EIF4G3: variants seen among roughly 807,000 people sequenced by gnomAD.
EIF4G3 encodes the protein eukaryotic translation initiation factor 4 gamma 3.
A neutral mutation model predicts 186.4 loss-of-function variants in EIF4G3; 34 were observed. The observed-to-expected ratio is 0.18, with a 90% confidence interval of 0.14 to 0.24. The LOEUF is 0.24. Ranked by LOEUF, EIF4G3 falls within the 10% of genes least tolerant of loss-of-function variation. The pLI is 1.00. For synonymous variants in EIF4G3, 673 were observed against 679.5 expected (o/e 0.99, Z 0.15); for missense variants, 1,536 against 1,948.5 (o/e 0.79, Z 3.99).
intron 4 of EIF4G3, among the ~76,000 whole-genome samples, chr1:21,010,561 TTTC>T (rs567992706): frequency 7.9e-4 from 121 of 152,336 alleles, no homozygotes; most frequent in African/African-American, 2.7e-3. Flanking sequence ...TCTAGAACTT[TTTC>T]TTCTTGCAAA....
intron 7 of EIF4G3, among the ~76,000 whole-genome samples, chr1:20,990,784 C>T (rs2080926115): frequency 6.6e-6 from 1 of 152,150 alleles, no homozygotes; most frequent in South Asian, 2.1e-4. Context: ...CACTGGGAAA[C>T]CAAAAAATTC....
intron 18 of EIF4G3, among the ~76,000 whole-genome samples, chr1:20,892,363 T>C (rs1461552121): frequency 6.6e-6 from 1 of 152,218 alleles, no homozygotes; most frequent in African/African-American, 2.4e-5. Flanking sequence ...CTACAAAGCA[T>C]GGAGTAGGCA....
chr1:21,089,823 A>C (rs1440205343), intron 2 of EIF4G3, among the ~76,000 whole-genome samples: 2 of 152,150 alleles, frequency 1.3e-5, no homozygotes, highest in Non-Finnish European at 2.9e-5. Flanking sequence ...TTGAATTCAA[A>C]GAAATGACCC....
At position 20,899,778 on chromosome 1, in the gene EIF4G3, C is replaced by T; in HGVS notation, c.1918G>A (p.Val640Ile). 3 of 1,614,166 alleles carry T rather than the reference C, an allele frequency of 1.9e-6. No homozygotes were observed. The highest frequency in any genetic ancestry group is 2.5e-6 in the Non-Finnish European group (3 of 1,180,020). The change falls in exon 16 of 37, where the codon GTT becomes ATT. Residue 640 changes from valine to isoleucine, a missense_variant. Physicochemically the swap from Val to Ile is conservative, Grantham distance 29 (BLOSUM62 3). This residue lies in a region of EIF4G3 where 560 missense variants were observed against 547.8 expected (regional missense o/e 1.02). Transcript: ENST00000602326. ...GCATCTATTCCTTCACCCTCAGAAA[C>T]ACTCTCAGCACCATTACGTACTGGC... ...AEPVRNGAES[V>I]SEGEGIDANS...
At chr1:21,033,952 G>C (rs1287223237) in intron 4 of EIF4G3, among the ~76,000 whole-genome samples, 1 of 152,178 alleles carries the variant, frequency 6.6e-6, no homozygotes, top group East Asian at 1.9e-4. Flanking sequence ...AGCTGGGTGT[G>C]CTGGTATGTG....
chr1:21,071,184 C>G (rs911836872), intron 3 of EIF4G3, among the ~76,000 whole-genome samples: 6 of 152,142 alleles, frequency 3.9e-5, no homozygotes. Flanking sequence ...GCAGGAGGAT[C>G]ATCTGAGGCC....
chr1:20,892,558 G>A (rs989044047), intron 18 of EIF4G3: 59 of 1,175,286 alleles, frequency 5.0e-5, no homozygotes, highest in Middle Eastern at 3.8e-4. Flanking sequence ...TAAAAAGAGC[G>A]TAACAGAAAA....
At chr1:20,966,411 A>G (rs533849297) in intron 12 of EIF4G3, among the ~76,000 whole-genome samples, 3 of 152,164 alleles carry the variant, frequency 2.0e-5, no homozygotes, top group African/African-American at 7.2e-5. Flanking sequence ...GCCAATATTT[A>G]TAACTTGCAG....
chr1:21,165,714 C>T (rs1040020644), intron 2 of EIF4G3, among the ~76,000 whole-genome samples: 1 of 152,034 alleles, frequency 6.6e-6, no homozygotes, highest in African/African-American at 2.4e-5. Context: ...CAAACAGGTT[C>T]CTTTGGGGAG....
chr1:21,074,979 T>G (rs1393163983), intron 3 of EIF4G3, among the ~76,000 whole-genome samples: 1 of 151,696 alleles, frequency 6.6e-6, no homozygotes, highest in Admixed American at 6.6e-5. Context: ...CATGAAAACA[T>G]GGGAAAGTAT....
intron 11 of EIF4G3, among the ~76,000 whole-genome samples, chr1:20,970,074 G>A (rs528952112): frequency 4.6e-5 from 7 of 151,970 alleles, no homozygotes; most frequent in East Asian, 1.9e-4. Flanking sequence ...AGCGATTCTC[G>A]TGCCTCAGCC....
chr1:20,853,221 A>G (rs994076845), intron 27 of EIF4G3, among the ~76,000 whole-genome samples: 4 of 152,126 alleles, frequency 2.6e-5, no homozygotes, highest in Non-Finnish European at 5.9e-5. Context: ...AGAGAAATGT[A>G]TGGGTGGATT....
intron 2 of EIF4G3, among the ~76,000 whole-genome samples, chr1:21,113,091 C>A: frequency 7.7e-6 from 1 of 130,420 alleles, no homozygotes; most frequent in Admixed American, 9.5e-5. Context: ...GTCGAAGCTG[C>A]AGTGAGCTAT....
intron 23 of EIF4G3, among the ~76,000 whole-genome samples, chr1:20,861,046 T>C (rs2076207019): frequency 6.6e-6 from 1 of 152,240 alleles, no homozygotes; most frequent in African/African-American, 2.4e-5. Context: ...CTCTGCCCTT[T>C]GGTTATCCCC....
At chr1:20,856,673 C>G (rs922140193) in intron 25 of EIF4G3, among the ~76,000 whole-genome samples, 5 of 152,144 alleles carry the variant, frequency 3.3e-5, no homozygotes, top group African/African-American at 1.2e-4. Flanking sequence ...GTTTCCTTTA[C>G]GCCTTGGATA....
Position 20,981,199 on chromosome 1 carries a change from G to T in EIF4G3, c.227C>A (p.Pro76His). The T allele has an allele frequency of 6.2e-7, 1 of 1,611,920 alleles. No individual in the cohort carries two copies. Among genetic ancestry groups the T allele is most frequent in the Non-Finnish European group, 8.5e-7 (1 of 1,178,950 alleles). ...ACTGCTGTTCGGGATGGTAGCTCTA[G>T]GAGGCTGTATTTGAGGCCTCTGGAA... ...QFFQRPQIQP[P>H]RATIPNSSPS... Residue 76 changes from proline to histidine, a missense_variant, in exon 9 of 37, where the codon CCT (proline) becomes CAT (histidine). Coordinates refer to ENST00000602326, the MANE Select transcript of EIF4G3 (RefSeq NM_001391906.1).
chr1:21,018,503 T>C (rs181033823), intron 4 of EIF4G3, among the ~76,000 whole-genome samples: 1 of 150,992 alleles, frequency 6.6e-6, no homozygotes, highest in Admixed American at 6.6e-5. Flanking sequence ...GAGGTTGCAG[T>C]GAGCTGAGAT....
At chr1:20,855,491 G>A (rs1450646340) in intron 25 of EIF4G3, among the ~76,000 whole-genome samples, 1 of 152,186 alleles carries the variant, frequency 6.6e-6, no homozygotes, top group Non-Finnish European at 1.5e-5. Flanking sequence ...AAAATTTCAT[G>A]TTGGCTAGAG....
chr1:20,886,481 G>A (rs2084188163), intron 18 of EIF4G3, 110 bp from the exon 19 acceptor site: 2 of 1,053,504 alleles, frequency 1.9e-6, no homozygotes, highest in Admixed American at 2.5e-5. Flanking sequence ...TGCAAAGATT[G>A]GGTACTAGGT....
Sources: allele counts gnomAD v4.1 joint callset (sites outside exome capture counted in the v4.1 genomes callset), GRCh38; gene constraint gnomAD v4.1.1; regional missense constraint gnomAD v4.1.1; transcripts MANE v1.5; gene names NCBI Gene and HGNC (gene_info 2026-07-23, HGNC 2026-07-21).